Variants in SLC9B1 observed in about 807,000 individuals in gnomAD.
The protein encoded by SLC9B1 is solute carrier family 9 member B1, also known as sodium/hydrogen exchanger 9B1.
Under a neutral mutation model 51.7 loss-of-function variants are expected in SLC9B1, and 32 were observed. The observed-to-expected ratio is 0.62, with a 90% CI of 0.47 to 0.83. SLC9B1 has a LOEUF of 0.83. Among genes scored for constraint, SLC9B1 ranks in the 40% least tolerant of loss-of-function variants. SLC9B1 has a pLI of 0.00. For synonymous variants in SLC9B1, 145 were observed against 212.7 expected (o/e 0.68, Z 2.77); for missense variants, 406 against 613.2 (o/e 0.66, Z 3.57).
chr4:102,960,577 A>T (rs1738051770), intron 3 of SLC9B1, among the ~76,000 whole-genome samples: 1 of 152,120 alleles, frequency 6.6e-6, no homozygotes, highest in Admixed American at 6.5e-5. Flanking sequence ...TGGTTTTTTG[A>T]TAAGTAAAAA....
chr4:102,895,845 TAG>T (rs1335917580), intron 11 of SLC9B1, among the ~76,000 whole-genome samples: 1 of 152,170 alleles, frequency 6.6e-6, no homozygotes. Flanking sequence ...CAAAAAAGGA[TAG>T]AGTCACTACA....
At chr4:102,891,227 C>T (rs1306423778) in intron 11 of SLC9B1, 1 of 146,730 alleles carries the variant, frequency 6.8e-6, no homozygotes, top group Non-Finnish European at 1.5e-5. Context: ...GCAGCAGCTA[C>T]CCAGAGTCTA....
At chr4:103,003,675 C>T (rs569243133) in intron 1 of SLC9B1, among the ~76,000 whole-genome samples, 3 of 152,130 alleles carry the variant, frequency 2.0e-5, no homozygotes, top group South Asian at 2.1e-4. Flanking sequence ...TGAAGCACTC[C>T]AATGGGGGTA....
At chr4:102,936,320 A>C (rs575143492) in intron 6 of SLC9B1, among the ~76,000 whole-genome samples, 4 of 152,336 alleles carry the variant, frequency 2.6e-5, no homozygotes, top group African/African-American at 9.6e-5. Context: ...ATGTGAAAGA[A>C]CCAGTGCAAA....
chr4:102,986,315 C>T (rs1194698053), intron 3 of SLC9B1, among the ~76,000 whole-genome samples: 2 of 151,618 alleles, frequency 1.3e-5, no homozygotes, highest in Non-Finnish European at 2.9e-5. Context: ...TTCTTGCTTC[C>T]ATGGTTTCTG....
chr4:102,904,417 A>G (rs1442347554), intron 11 of SLC9B1, among the ~76,000 whole-genome samples: 3 of 150,938 alleles, frequency 2.0e-5, no homozygotes, highest in Non-Finnish European at 4.4e-5. Context: ...GCAAAATATA[A>G]AAACTCCAAT....
chr4:102,961,258 A>C (rs1441740340), intron 3 of SLC9B1, among the ~76,000 whole-genome samples: 1 of 152,280 alleles, frequency 6.6e-6, no homozygotes, highest in Non-Finnish European at 1.5e-5. Flanking sequence ...TTTTGATGCA[A>C]AGATAATTTT....
chr4:102,911,121 A>G (rs1735315174), intron 8 of SLC9B1, among the ~76,000 whole-genome samples: 3 of 152,188 alleles, frequency 2.0e-5, no homozygotes, highest in Non-Finnish European at 4.4e-5. Flanking sequence ...TTAAGGGAAA[A>G]TTTGGGGGAA....
rs1340603279 is a variant in SLC9B1, at chr4:103,003,839, C to G, written c.-1-12127G>C. ...CACAGCTGAGGAGAGCTCAGCTGAG[C>G]CTTGACCCCTTAAAATCTTCCAGAA... On this transcript the variant is annotated intron_variant, in intron 1 of 11. Transcript: ENST00000296422. Among the ~76,000 whole-genome samples, 4 of 152,146 alleles carry G rather than the reference C, an allele frequency of 2.6e-5. 1 individual carries two copies. Among genetic ancestry groups the G allele is most frequent in the African/African-American group, 9.7e-5 (4 of 41,420 alleles).
At chr4:102,975,317 T>C (rs1323613584) in intron 3 of SLC9B1, among the ~76,000 whole-genome samples, 3 of 152,062 alleles carry the variant, frequency 2.0e-5, no homozygotes, top group African/African-American at 7.2e-5. Context: ...CCTGAGCAGG[T>C]TTTAATAAGT....
intron 6 of SLC9B1, among the ~76,000 whole-genome samples, chr4:102,944,061 G>A (rs761394595): frequency 3.9e-5 from 6 of 152,058 alleles, no homozygotes; most frequent in Non-Finnish European, 8.8e-5. Context: ...AAGAAAGAAC[G>A]AGATCATGTC....
At chr4:102,969,852 C>T (rs2110497457) in intron 3 of SLC9B1, among the ~76,000 whole-genome samples, 1 of 152,194 alleles carries the variant, frequency 6.6e-6, no homozygotes. Flanking sequence ...ACACAAGCTT[C>T]CATAGCTGAT....
chr4:103,008,650 T>C (rs1740922445), intron 1 of SLC9B1, among the ~76,000 whole-genome samples: 2 of 151,874 alleles, frequency 1.3e-5, no homozygotes, highest in Admixed American at 1.3e-4. Context: ...TCCAAAGTGC[T>C]GGGATTACAG....
chr4:103,016,185 ACCTAAGGCCAATACTTCTATATATTC>A (rs1158392190), intron 1 of SLC9B1, among the ~76,000 whole-genome samples: 4 of 145,652 alleles, frequency 2.7e-5, no homozygotes, highest in Non-Finnish European at 6.0e-5. Context: ...TCATGTTCCT[ACCTAAGGCCAATACTTCTATATATTC>A]CCTGGATTCC....
At chr4:102,986,752 G>A (rs1017412664) in intron 3 of SLC9B1, among the ~76,000 whole-genome samples, 20 of 152,072 alleles carry the variant, frequency 1.3e-4, no homozygotes, top group African/African-American at 4.3e-4. Context: ...GCTTTGTCCA[G>A]CCTACTAATA....
intron 3 of SLC9B1, among the ~76,000 whole-genome samples, chr4:102,986,432 T>C (rs1739628320): frequency 6.6e-6 from 1 of 152,206 alleles, no homozygotes; most frequent in South Asian, 2.1e-4. Flanking sequence ...AGTTTGAATA[T>C]GATATGGCTA....
chr4:102,939,406 CAA>C (rs56014819), intron 6 of SLC9B1, among the ~76,000 whole-genome samples: 553 of 67,392 alleles, frequency 8.2e-3, no homozygotes, highest in Middle Eastern at 0.021. Context: ...GTCTCTGAGC[CAA>C]AAAAAAAAAA....
chr4:102,948,284 T>C (rs1407178459), intron 4 of SLC9B1, among the ~76,000 whole-genome samples: 1 of 150,844 alleles, frequency 6.6e-6, no homozygotes, highest in Non-Finnish European at 1.5e-5. Context: ...ACACATTCCA[T>C]GAATCTAGTA....
intron 1 of SLC9B1, among the ~76,000 whole-genome samples, chr4:102,995,242 G>A (rs1740152675): frequency 6.6e-6 from 1 of 152,094 alleles, no homozygotes; most frequent in African/African-American, 2.4e-5. Flanking sequence ...CTGTTCTCAT[G>A]GATCTTATAC....
Sources: allele counts gnomAD v4.1 joint callset (sites outside exome capture counted in the v4.1 genomes callset), GRCh38; gene constraint gnomAD v4.1.1; transcripts MANE v1.5; gene names NCBI Gene and HGNC (gene_info 2026-07-23, HGNC 2026-07-21).